The following YJU2 variants were observed in gnomAD, a reference collection of about 807,000 sequenced individuals.
The protein encoded by YJU2 is YJU2 splicing factor homolog.
Under a neutral mutation model 39.6 loss-of-function variants are expected in YJU2, and 28 were observed. The ratio of observed to expected loss-of-function variants is 0.71; its 90% CI spans 0.52 to 0.97. The LOEUF is 0.97. Among genes scored for constraint, YJU2 ranks in the 50% least tolerant of loss-of-function variants. The probability of loss-of-function intolerance (pLI) is 0.00; values close to 1 mark genes in which losing one functional copy is unlikely to be tolerated. For synonymous variants in YJU2, 184 were observed against 182.4 expected (o/e 1.01, Z -0.07); for missense variants, 328 against 430.4 (o/e 0.76, Z 2.11).
Position 4,254,436 on chromosome 19 carries a change from G to GAGA in YJU2, c.356_358dup (p.Lys119dup). On this transcript the variant is annotated inframe_insertion, in exon 4 of 8. Transcript: ENST00000262962. ...GGCTGAGAAGCTCCTGGAGGAGGAG[G>GAGA]AGAAGAGGGTGCAGAAGGAGCGGGA... 6.2e-7 allele frequency: 1 copy of GAGA among 1,613,346 alleles called. No homozygotes were observed. Among genetic ancestry groups the GAGA allele is most frequent in the African/African-American group, 1.3e-5 (1 of 74,988 alleles).
intron 4 of YJU2, among the ~76,000 whole-genome samples, chr19:4,256,181 A>AAATATATAT (rs1001505791): frequency 1.7e-4 from 21 of 125,890 alleles, no homozygotes; most frequent in African/African-American, 5.6e-4. Flanking sequence ...AAAAAAAAAA[A>AAATATATAT]ATATATATAT....
At chr19:4,250,965 A>G (rs1428342496) in intron 2 of YJU2, 62 bp from the exon 3 acceptor site, 2 of 1,575,506 alleles carry the variant, frequency 1.3e-6, no homozygotes. Flanking sequence ...TGCCGCAGGG[A>G]CAGCCTGCCA....
At chr19:4,262,324 G>T (rs1355939795) in intron 6 of YJU2, among the ~76,000 whole-genome samples, 1 of 152,070 alleles carries the variant, frequency 6.6e-6, no homozygotes, top group Non-Finnish European at 1.5e-5. Context: ...TCAGCCTCCC[G>T]AGTAGCTGGG....
chr19:4,268,477 C>A, intron 7 of YJU2, 107 bp from the exon 8 acceptor site: 1 of 700,910 alleles, frequency 1.4e-6, no homozygotes, highest in Non-Finnish European at 2.5e-6. Context: ...CATTCACATG[C>A]TGTCACCTCT....
intron 1 of YJU2, 143 bp downstream of exon 1, chr19:4,247,313 C>T: frequency 1.5e-6 from 1 of 671,946 alleles, no homozygotes; most frequent in Non-Finnish European, 2.5e-6. Flanking sequence ...AGACTCCTCC[C>T]TAGACTCCTC....
At chr19:4,258,182 C>A in intron 4 of YJU2, 60 bp from the exon 5 acceptor site, 2 of 1,525,584 alleles carry the variant, frequency 1.3e-6, no homozygotes, top group South Asian at 2.5e-5. Flanking sequence ...CGAGGCCAGA[C>A]AGGGTTTGCC....
At chr19:4,250,975 A>T in intron 2 of YJU2, 52 bp from the exon 3 acceptor site, 3 of 1,587,838 alleles carry the variant, frequency 1.9e-6, no homozygotes, top group Non-Finnish European at 2.6e-6. Flanking sequence ...ACAGCCTGCC[A>T]GTGGGAGCCA....
chr19:4,249,858 C>T (rs952077393), intron 2 of YJU2, among the ~76,000 whole-genome samples: 9 of 152,112 alleles, frequency 5.9e-5, no homozygotes, highest in Non-Finnish European at 1.3e-4. Flanking sequence ...AGGCGTGCAC[C>T]ACCACGCCCG....
chr19:4,247,317 A>T, intron 1 of YJU2, 147 bp downstream of exon 1: 1 of 649,200 alleles, frequency 1.5e-6, no homozygotes, highest in Non-Finnish European at 2.6e-6. Flanking sequence ...TCCTCCCTAG[A>T]CTCCTCCCCA....
At chr19:4,267,213 T>A (rs1286100489) in intron 6 of YJU2, among the ~76,000 whole-genome samples, 2 of 152,026 alleles carry the variant, frequency 1.3e-5, no homozygotes, top group African/African-American at 2.4e-5. Flanking sequence ...CAGAGGGCAC[T>A]GTGAGCGTGG....
intron 7 of YJU2, among the ~76,000 whole-genome samples, chr19:4,268,220 C>T (rs1262255910): frequency 2.0e-5 from 3 of 152,196 alleles, no homozygotes; most frequent in Admixed American, 2.0e-4. Flanking sequence ...GCTGGGATTA[C>T]AGGCATGAGC....
chr19:4,265,699 C>T (rs951976234), intron 6 of YJU2, among the ~76,000 whole-genome samples: 5 of 151,682 alleles, frequency 3.3e-5, no homozygotes, highest in Admixed American at 2.6e-4. Flanking sequence ...AGCAATTGTC[C>T]TGCCTTAGCC....
At chr19:4,251,682 C>T (rs1299898963) in intron 3 of YJU2, among the ~76,000 whole-genome samples, 1 of 91,424 alleles carries the variant, frequency 1.1e-5, no homozygotes, top group Non-Finnish European at 2.0e-5. Context: ...AAGACTCCAA[C>T]TAAAAAAAAA....
chr19:4,258,217 AGCCCCGCC>A lies in YJU2; in HGVS notation c.406-17_406-10del, dbSNP rs777852653. The stretch of plus-strand genomic sequence containing the variant: ...CCCGTGGTGCGATCCCCATGCACTC[AGCCCCGCC>A]GCCCCGCGCCCGCCAGGTGCTGGAG... On this transcript the variant is annotated splice_polypyrimidine_tract_variant and intron_variant, in intron 4 of 7. Transcript: ENST00000262962. 1 of 1,549,024 alleles carries A rather than the reference AGCCCCGCC, an allele frequency of 6.5e-7. No individual in the cohort carries two copies.
chr19:4,255,381 A>C (rs8106169), intron 4 of YJU2, among the ~76,000 whole-genome samples: 61,344 of 151,606 alleles, frequency 0.4, 14,292 homozygotes, highest in African/African-American at 0.64. Context: ...TCTAGGAGTC[A>C]AAGACCAGCC....
At chr19:4,258,742 G>T (rs1385036574) in intron 5 of YJU2, among the ~76,000 whole-genome samples, 6 of 152,184 alleles carry the variant, frequency 3.9e-5, no homozygotes, top group Admixed American at 2.6e-4. Flanking sequence ...GTGGAGCTTC[G>T]CAGGACGCGC....
intron 7 of YJU2, 66 bp from the exon 8 acceptor site, chr19:4,268,518 C>T: frequency 8.5e-7 from 1 of 1,175,102 alleles, no homozygotes; most frequent in Non-Finnish European, 1.2e-6. Context: ...GGTGGCCGGC[C>T]CCGTGCCTTG....
At chr19:4,252,030 C>T (rs1970981395) in intron 3 of YJU2, among the ~76,000 whole-genome samples, 1 of 152,016 alleles carries the variant, frequency 6.6e-6, no homozygotes, top group African/African-American at 2.4e-5. Flanking sequence ...ATTACACAGC[C>T]AATAAAAATT....
intron 2 of YJU2, among the ~76,000 whole-genome samples, chr19:4,249,598 C>G (rs1015769161): frequency 6.6e-6 from 1 of 152,094 alleles, no homozygotes; most frequent in Non-Finnish European, 1.5e-5. Flanking sequence ...AGAGATGCAG[C>G]CCCATAGATA....
Sources: allele counts gnomAD v4.1 joint callset (sites outside exome capture counted in the v4.1 genomes callset), GRCh38; gene constraint gnomAD v4.1.1; transcripts MANE v1.5; gene names NCBI Gene and HGNC (gene_info 2026-07-23, HGNC 2026-07-21).